CDCA5: variants seen among roughly 807,000 people sequenced by gnomAD.
CDCA5 encodes cell division cycle associated 5.
Under a neutral mutation model 25.7 loss-of-function variants are expected in CDCA5, and 14 were observed. The ratio of observed to expected loss-of-function variants is 0.54; its 90% CI spans 0.36 to 0.85. The LOEUF is 0.85. Among genes scored for constraint, CDCA5 ranks in the 40% least tolerant of loss-of-function variants. The pLI, the probability that CDCA5 is intolerant of heterozygous loss-of-function variation, is 0.01. For missense variants in CDCA5, 307 were observed against 324.5 expected (o/e 0.95, Z 0.41); for synonymous variants, 127 against 128.7 (o/e 0.99, Z 0.09).
chr11:65,072,080 A>G (rs973282795), intron 1 of CDCA5, among the ~76,000 whole-genome samples: 1 of 152,234 alleles, frequency 6.6e-6, no homozygotes, highest in Non-Finnish European at 1.5e-5. Context: ...AAATGCTACT[A>G]GCCATCAGTG....
chr11:65,082,028 G>A (rs1213625368), intron 4 of CDCA5, among the ~76,000 whole-genome samples: 1 of 152,138 alleles, frequency 6.6e-6, no homozygotes, highest in African/African-American at 2.4e-5. Context: ...GTCAGGGAAG[G>A]CCACTGGGGG....
rs117357316 is a variant in CDCA5 at position 65,078,680 on chromosome 11, C to T, written c.*427G>A. The T allele has an allele frequency of 0.01, 10,354 of 999,612 alleles. 64 individuals are homozygous for T. The highest frequency in any genetic ancestry group is 0.012 in the Non-Finnish European group (9,674 of 839,960). 61.9% of individuals were successfully genotyped at this position (999,612 alleles called of 1,614,324 possible). ...AGAAAGCCACCAACAGAAGGCAACTCAGGAGGGAGAGGCCGAGGCTGGCAG... is the reference window on the plus strand; with the variant it reads ...AGAAAGCCACCAACAGAAGGCAACTTAGGAGGGAGAGGCCGAGGCTGGCAG... On this transcript the variant is annotated 3_prime_UTR_variant, in exon 6 of 6. Transcript: ENST00000275517.
downstream of CDCA5, among the ~76,000 whole-genome samples, chr11:65,074,206 G>A (rs796215220): frequency 4.7e-4 from 71 of 152,230 alleles, no homozygotes; most frequent in African/African-American, 1.6e-3. Context: ...CCAAGTAGCT[G>A]GGATTACAGG....
At chr11:65,068,010 C>G (rs1056070333) in intron 3 of CDCA5, 1 of 1,283,378 alleles carries the variant, frequency 7.8e-7, no homozygotes, top group Non-Finnish European at 1.0e-6. Flanking sequence ...CTCTCTCTCT[C>G]TCTCATGCAG....
chr11:65,078,919 A>G lies in CDCA5; in HGVS notation c.*188T>C, dbSNP rs1048289615. 1 of 1,255,950 alleles carries G rather than the reference A, an allele frequency of 8.0e-7. No individual in the cohort carries two copies. The highest frequency in any genetic ancestry group is 1.5e-5 in the African/African-American group (1 of 65,162). The allele number at this position is 1,255,950 out of a possible 1,614,324, so 77.8% of individuals were successfully genotyped here. On this transcript the variant is annotated 3_prime_UTR_variant, in exon 6 of 6. Transcript: ENST00000275517. Reference sequence around the variant, plus strand: ...GTGAGTGGCTGGGCCAGGCGGCCCCATTTCCTAAAACCAAGATGGCTGCCG... The same window carrying G: ...GTGAGTGGCTGGGCCAGGCGGCCCCGTTTCCTAAAACCAAGATGGCTGCCG...
At position 65,069,015 on chromosome 11, in the gene CDCA5, G is replaced by A. The variant is rs57292990; in HGVS notation, c.64-414C>T. Among the ~76,000 whole-genome samples the A allele has an allele frequency of 9.7e-3, 1,477 of 152,266 alleles. 25 individuals carry two copies. Among genetic ancestry groups the A allele is most frequent in the African/African-American group, 0.033 (1,355 of 41,558 alleles). On this transcript the variant is annotated intron_variant, in intron 1 of 6. Coordinates refer to the CDCA5 transcript ENST00000525464. ...AGCACTTTTGGAGGCCAAGGCGGGA[G>A]GATCGCTTGAGCCCAGGAGTTAGAG... is the stretch of plus-strand genomic sequence containing the variant.
At chr11:65,067,024 C>T (rs1011548581) in intron 4 of CDCA5, 15 of 461,778 alleles carry the variant, frequency 3.2e-5, no homozygotes, top group Non-Finnish European at 5.2e-5. Flanking sequence ...TCTTCCTGTC[C>T]CGGCAAAACC....
chr11:65,068,458 G>C (rs1025503179), intron 2 of CDCA5: 5 of 1,230,016 alleles, frequency 4.1e-6, no homozygotes, highest in Non-Finnish European at 5.3e-6. Context: ...CCTGCCCACT[G>C]CCTTAGGAGG....
intron 4 of CDCA5, among the ~76,000 whole-genome samples, chr11:65,080,046 T>A (rs1049138512): frequency 5.3e-5 from 8 of 151,872 alleles, no homozygotes; most frequent in Non-Finnish European, 7.4e-5. Context: ...GCCCGCCACC[T>A]CGCCCGGCTA....
At chr11:65,064,185 G>A (rs1245942478), downstream of CDCA5, among the ~76,000 whole-genome samples, 5 of 152,112 alleles carry the variant, frequency 3.3e-5, no homozygotes, top group African/African-American at 9.7e-5. Context: ...TTGGGAGGCC[G>A]AGGCAGGTGT....
At chr11:65,062,798 CTCCCCCT>C (rs1947197614), downstream of CDCA5, among the ~76,000 whole-genome samples, 1 of 152,124 alleles carries the variant, frequency 6.6e-6, no homozygotes, top group East Asian at 1.9e-4. Flanking sequence ...AATTGCATTC[CTCCCCCT>C]CCCTCAGGCT....
In CDCA5 at chr11:65,083,517, C is replaced by T; in HGVS notation, c.175G>A (p.Val59Ile). 5.0e-6 allele frequency: 8 copies of T among 1,614,218 alleles called. No homozygotes were observed. Among genetic ancestry groups the T allele is most frequent in the Non-Finnish European group, 5.9e-6 (7 of 1,180,034 alleles). Residue 59 changes from valine to isoleucine, a missense_variant, in exon 3 of 6, where the codon GTC becomes ATC. Physicochemically the swap from Val to Ile is conservative, Grantham distance 29. Transcript: ENST00000275517. The stretch of plus-strand genomic sequence containing the variant: ...GCATGGGCCACGATCCTCTTTAAGA[C>T]GATGGGCTTTCTGACTGCAGCCGCA... ...PSAAAVRKPIVLKRIVAHAVE... is the reference protein window; with the variant it reads ...PSAAAVRKPIILKRIVAHAVE...
chr11:65,073,241 G>A (rs555509507), downstream of CDCA5, among the ~76,000 whole-genome samples: 73 of 152,118 alleles, frequency 4.8e-4, no homozygotes, highest in African/African-American at 1.7e-3. Context: ...CACCGCGCCC[G>A]GCCGACTATC....
downstream of CDCA5, chr11:65,077,377 C>T: frequency 1.3e-6 from 1 of 779,332 alleles, no homozygotes; most frequent in Non-Finnish European, 1.6e-6. Context: ...AAGGGACAAC[C>T]CCAGTGATGC....
At chr11:65,081,592 C>G (rs546516909) in intron 4 of CDCA5, among the ~76,000 whole-genome samples, 4 of 152,162 alleles carry the variant, frequency 2.6e-5, no homozygotes, top group South Asian at 2.1e-4. Context: ...CTAGGAAAGG[C>G]AGAAGTCCCT....
downstream of CDCA5, among the ~76,000 whole-genome samples, chr11:65,061,897 G>A (rs995958114): frequency 1.4e-5 from 2 of 145,282 alleles, no homozygotes; most frequent in Non-Finnish European, 3.0e-5. Context: ...CCGAACTCTT[G>A]TATTTCCAGC....
At chr11:65,074,221 C>T (rs180758121), downstream of CDCA5, among the ~76,000 whole-genome samples, 1,133 of 152,176 alleles carry the variant, frequency 7.4e-3, 14 homozygotes, top group African/African-American at 0.025. Context: ...TACAGGCACC[C>T]GCCACCACGC....
intron 1 of CDCA5, 48 bp from the exon 2 acceptor site, chr11:65,083,771 G>C (rs758453260): frequency 1.3e-6 from 2 of 1,580,502 alleles, no homozygotes; most frequent in South Asian, 2.2e-5. Flanking sequence ...CTAGACCTTA[G>C]AGTCCAGAGA....
rs555806159 is a variant in CDCA5 at position 65,068,391 on chromosome 11, C to G, written c.177+97G>C. 1.5e-5 allele frequency: 11 copies of G among 738,836 alleles called. 1 individual carries two copies. Among genetic ancestry groups the G allele is most frequent in the African/African-American group, 9.1e-5 (5 of 54,868 alleles). 45.8% of individuals were successfully genotyped at this position (738,836 alleles called of 1,614,324 possible). On this transcript the variant is annotated intron_variant, in intron 2 of 6. Transcript: ENST00000525464. ...GACAGCTGGAAGCTGGGTGTGACGA[C>G]GGGGGTTCAGGCCTCCATTCAGATA...
Sources: allele counts gnomAD v4.1 joint callset (sites outside exome capture counted in the v4.1 genomes callset), GRCh38; gene constraint gnomAD v4.1.1; transcripts MANE v1.5; gene names NCBI Gene and HGNC (gene_info 2026-07-23, HGNC 2026-07-21).